The following STRBP variants were observed in gnomAD, a reference collection of about 807,000 sequenced individuals.
STRBP encodes the protein spermatid perinuclear RNA binding protein.
STRBP carries 13 observed loss-of-function variants against 80.1 expected under a neutral mutation model. The observed-to-expected ratio is 0.16, with a 90% CI of 0.11 to 0.26. The LOEUF (loss-of-function observed/expected upper bound fraction) is 0.26, where lower values mean the gene tolerates loss of function less well. Ranked by LOEUF, STRBP falls within the 10% of genes least tolerant of loss-of-function variation. The pLI is 1.00. For synonymous variants in STRBP, 284 were observed against 291.2 expected (o/e 0.98, Z 0.25); for missense variants, 485 against 815.2 (o/e 0.59, Z 4.93).
intron 6 of STRBP, 119 bp from the exon 7 acceptor site, chr9:123,161,187 C>A: frequency 4.0e-6 from 3 of 745,888 alleles, no homozygotes; most frequent in East Asian, 3.0e-5. Context: ...ATAAGACTCC[C>A]AGAAAATTTC....
chr9:123,196,569 A>G (rs1051279103), intron 2 of STRBP, among the ~76,000 whole-genome samples: 1 of 152,200 alleles, frequency 6.6e-6, no homozygotes, highest in Non-Finnish European at 1.5e-5. Flanking sequence ...TAAAAAATGG[A>G]CAAAAAATTT....
chr9:123,191,835 T>A (rs2038936869), intron 2 of STRBP, among the ~76,000 whole-genome samples: 1 of 152,194 alleles, frequency 6.6e-6, no homozygotes, highest in African/African-American at 2.4e-5. Context: ...TACTCTGAGA[T>A]GGGGAGCCCT....
intron 3 of STRBP, among the ~76,000 whole-genome samples, chr9:123,183,405 C>A (rs954671360): frequency 4.6e-5 from 7 of 151,914 alleles, no homozygotes; most frequent in African/African-American, 1.5e-4. Flanking sequence ...CCATTGCATT[C>A]CAGCCCGGGC....
intron 5 of STRBP, 86 bp downstream of exon 5, chr9:123,173,591 C>G (rs2038099998): frequency 1.4e-6 from 2 of 1,413,446 alleles, no homozygotes; most frequent in African/African-American, 2.9e-5. Context: ...TAGCTATTAG[C>G]AATTCTGGTT....
At chr9:123,191,395 T>G in intron 2 of STRBP, among the ~76,000 whole-genome samples, 2 of 146,976 alleles carry the variant, frequency 1.4e-5, no homozygotes, top group African/African-American at 2.5e-5. Flanking sequence ...GTGGCTGCAG[T>G]GAGGTGGGGG....
intron 2 of STRBP, among the ~76,000 whole-genome samples, chr9:123,231,042 C>T (rs1287088476): frequency 6.6e-6 from 1 of 152,206 alleles, no homozygotes; most frequent in Non-Finnish European, 1.5e-5. Context: ...GGTTCTTCAA[C>T]TCTGTGTATT....
chr9:123,257,781 C>T (rs1301051193), intron 1 of STRBP, among the ~76,000 whole-genome samples: 1 of 152,052 alleles, frequency 6.6e-6, no homozygotes, highest in African/African-American at 2.4e-5. Flanking sequence ...CACACCACTG[C>T]ACTCCAGCCT....
intron 2 of STRBP, among the ~76,000 whole-genome samples, chr9:123,226,965 C>T (rs1588130420): frequency 6.6e-6 from 1 of 152,196 alleles, no homozygotes; most frequent in East Asian, 1.9e-4. Flanking sequence ...TGGTGGAAGG[C>T]ATCACATGAG....
intron 13 of STRBP, among the ~76,000 whole-genome samples, chr9:123,146,208 G>A (rs1001377665): frequency 6.6e-6 from 1 of 151,880 alleles, no homozygotes; most frequent in African/African-American, 2.4e-5. Context: ...TATACTTATA[G>A]AGAGATCCCA....
At chr9:123,246,376 G>A (rs770493621) in intron 1 of STRBP, among the ~76,000 whole-genome samples, 4 of 152,198 alleles carry the variant, frequency 2.6e-5, no homozygotes, top group Non-Finnish European at 5.9e-5. Context: ...GGCAGCAGTG[G>A]CTAAATAATG....
intron 2 of STRBP, among the ~76,000 whole-genome samples, chr9:123,203,389 T>C (rs1032086745): frequency 1.3e-5 from 2 of 151,976 alleles, no homozygotes; most frequent in Non-Finnish European, 2.9e-5. Context: ...GTAACAGCAT[T>C]CCTCTGCTCA....
chr9:123,111,351 G>C (rs755884675), intron 3 of STRBP: 1 of 267,366 alleles, frequency 3.7e-6, no homozygotes, highest in East Asian at 1.6e-4. Flanking sequence ...AGGTGGAGAC[G>C]GAACTTCTCA....
At chr9:123,163,765 G>A (rs1019898119) in intron 6 of STRBP, among the ~76,000 whole-genome samples, 3 of 152,008 alleles carry the variant, frequency 2.0e-5, no homozygotes, top group African/African-American at 7.3e-5. Context: ...TGTGGCAATC[G>A]CAAAGCTGCT....
chr9:123,128,600 G>A (rs921639326), intron 17 of STRBP, among the ~76,000 whole-genome samples: 7 of 152,182 alleles, frequency 4.6e-5, no homozygotes, highest in South Asian at 4.1e-4. Context: ...CTTATCCGTC[G>A]TCGCATCATC....
At chr9:123,146,002 T>G (rs989691138) in intron 13 of STRBP, among the ~76,000 whole-genome samples, 2 of 151,996 alleles carry the variant, frequency 1.3e-5, no homozygotes, top group Non-Finnish European at 2.9e-5. Flanking sequence ...AGGAACTTTG[T>G]TTCATTAACT....
At chr9:123,191,329 G>C (rs926107423) in intron 2 of STRBP, among the ~76,000 whole-genome samples, 1 of 152,136 alleles carries the variant, frequency 6.6e-6, no homozygotes, top group African/African-American at 2.4e-5. Flanking sequence ...AGTTAAAGCA[G>C]TGGTCCTAAG....
In STRBP at chr9:123,179,082, T is replaced by G. The variant is rs1050807108; in HGVS notation, c.149A>C (p.Asp50Ala). 1 of 1,614,126 alleles carries G rather than the reference T, an allele frequency of 6.2e-7. No homozygotes were observed. The highest frequency in any genetic ancestry group is 8.5e-7 in the Non-Finnish European group (1 of 1,179,998). Reference protein sequence around the residue: ...CALKHVSDWLDETNKGTKTEG... With the variant: ...CALKHVSDWLAETNKGTKTEG... ...TGTTTTTGTGCCTTTATTTGTTTCA[T>G]CCAACCAATCTGAGACATGTTTAAG... The change falls in exon 4 of 19, where the codon GAT becomes GCT. Residue 50 changes from aspartate to alanine, a missense_variant. Transcript: ENST00000348403.
At chr9:123,230,890 G>T (rs922368117) in intron 2 of STRBP, among the ~76,000 whole-genome samples, 1 of 151,996 alleles carries the variant, frequency 6.6e-6, no homozygotes, top group African/African-American at 2.4e-5. Context: ...GTATTAGTAG[G>T]GGGAAAGCAC....
Position 123,184,307 on chromosome 9 carries a change from G to C in STRBP, c.-164-9C>G, listed in dbSNP as rs2038610328. The C allele has an allele frequency of 6.0e-6, 3 of 496,944 alleles. No homozygotes were observed. Among genetic ancestry groups the C allele is most frequent in the Non-Finnish European group, 1.1e-5 (3 of 285,638 alleles). The allele number at this position is 496,944 out of a possible 1,614,324, so 30.8% of individuals were successfully genotyped here. The stretch of plus-strand genomic sequence containing the variant: ...TGTTCTCTGGAACACACCTGCAAGA[G>C]AAGAGGAAAACAACTTCAAAAATGC... On this transcript the variant is annotated splice_polypyrimidine_tract_variant and intron_variant, in intron 2 of 18. Coordinates refer to ENST00000348403, the MANE Select transcript of STRBP (RefSeq NM_018387.5).
Sources: allele counts gnomAD v4.1 joint callset (sites outside exome capture counted in the v4.1 genomes callset), GRCh38; gene constraint gnomAD v4.1.1; transcripts MANE v1.5; gene names NCBI Gene and HGNC (gene_info 2026-07-23, HGNC 2026-07-21).